PRORP: variants seen among roughly 807,000 people sequenced by gnomAD.
PRORP encodes the protein mitochondrial ribonuclease P catalytic subunit.
Under a neutral mutation model 59.4 loss-of-function variants are expected in PRORP, and 51 were observed. That is an observed-to-expected ratio of 0.86 (90% CI 0.69 to 1.08). The LOEUF is 1.08. Ranked by LOEUF, PRORP falls within the 50% of genes least tolerant of loss-of-function variation. PRORP has a pLI of 0.00. For missense variants in PRORP, 646 were observed against 690.3 expected, an observed-to-expected ratio of 0.94 and a Z score of 0.72; for synonymous variants, 231 against 245.6, an observed-to-expected ratio of 0.94 and a Z score of 0.55.
chr14:35,143,718 G>C lies in PRORP; in HGVS notation c.1167+16107G>C, dbSNP rs563378880. On this transcript the variant is annotated intron_variant, in intron 4 of 7. Transcript: ENST00000534898. ...GCTGGAGTGCAATGGCGCGATCTCG[G>C]CTCACCGCAACCTCCGCCTCCGAGG... is the stretch of plus-strand genomic sequence containing the variant. 6.2e-5 allele frequency among the ~76,000 whole-genome samples: 9 copies of C among 145,088 alleles called. 1 individual carries two copies. The highest frequency in any genetic ancestry group is 2.1e-4 in the Admixed American group (3 of 13,954).
chr14:35,139,977 T>G lies in PRORP; in HGVS notation c.1167+12366T>G, dbSNP rs190585096. 2.4e-4 allele frequency among the ~76,000 whole-genome samples: 35 copies of G among 145,858 alleles called. 9 individuals are homozygous for G. In the Admixed American group the frequency reaches 2.5e-3, roughly 10 times the overall value. ...CGTCTGTCTTCATGTGGCCTTTGTGTGTGTGTATCTCTGTGTGCCATCTCT... is the reference window on the plus strand; with the variant it reads ...CGTCTGTCTTCATGTGGCCTTTGTGGGTGTGTATCTCTGTGTGCCATCTCT... On this transcript the variant is annotated intron_variant, in intron 4 of 7. Coordinates refer to ENST00000534898, the MANE Select transcript of PRORP (RefSeq NM_014672.4).
chr14:35,209,675 T>A (rs2049387786), intron 5 of PRORP, among the ~76,000 whole-genome samples: 1 of 152,146 alleles, frequency 6.6e-6, no homozygotes, highest in South Asian at 2.1e-4. Flanking sequence ...TAGCTGGGAT[T>A]ACAGGCCATG....
At chr14:35,269,223 A>T (rs2051125142) in intron 6 of PRORP, among the ~76,000 whole-genome samples, 1 of 152,230 alleles carries the variant, frequency 6.6e-6, no homozygotes, top group South Asian at 2.1e-4. Flanking sequence ...TAAATAACTC[A>T]TGTAAAACTC....
Position 35,212,653 on chromosome 14 carries a change from A to G in PRORP, c.1275+31876A>G, listed in dbSNP as rs190549553. On this transcript the variant is annotated intron_variant, in intron 5 of 7. Transcript: ENST00000534898. The stretch of plus-strand genomic sequence containing the variant: ...AAATCATGCTGGAAACAGATGTGCC[A>G]TCATCCAGGCTTTGTTGTTCCGTTG... 2.8e-4 allele frequency among the ~76,000 whole-genome samples: 43 copies of G among 152,344 alleles called. No individual in the cohort carries two copies. In the East Asian group the frequency reaches 6.4e-3, roughly 23 times the overall value.
At chr14:35,194,519 ACCAGGGC>A in intron 5 of PRORP, among the ~76,000 whole-genome samples, 1 of 152,156 alleles carries the variant, frequency 6.6e-6, no homozygotes, top group African/African-American at 2.4e-5. Flanking sequence ...AGCATCACAC[ACCAGGGC>A]CTGTCGGGGG....
intron 4 of PRORP, among the ~76,000 whole-genome samples, chr14:35,175,248 G>T (rs1374672500): frequency 6.6e-6 from 1 of 152,048 alleles, no homozygotes; most frequent in Middle Eastern, 3.2e-3. Context: ...AATCCTTTGG[G>T]TATATAACCA....
At chr14:35,132,999 G>T (rs930230039) in intron 4 of PRORP, among the ~76,000 whole-genome samples, 180 of 152,180 alleles carry the variant, frequency 1.2e-3, no homozygotes, top group African/African-American at 4.2e-3. Context: ...TTGGCTCACT[G>T]CAACCTCTGC....
intron 5 of PRORP, among the ~76,000 whole-genome samples, chr14:35,227,806 AT>A (rs569966319): frequency 2.0e-5 from 3 of 151,274 alleles, no homozygotes; most frequent in African/African-American, 2.4e-5. Flanking sequence ...GTAACAAGTA[AT>A]TTTTTTTTGC....
intron 4 of PRORP, among the ~76,000 whole-genome samples, chr14:35,166,150 CTTCTT>C (rs1450404630): frequency 6.6e-6 from 1 of 151,980 alleles, no homozygotes; most frequent in African/African-American, 2.4e-5. Context: ...CATTCTTTTT[CTTCTT>C]TTCTTCTGCA....
At chr14:35,254,382 C>CTTGTTTGTTTGT (rs145337885) in intron 5 of PRORP, among the ~76,000 whole-genome samples, 1 of 151,714 alleles carries the variant, frequency 6.6e-6, no homozygotes, top group Non-Finnish European at 1.5e-5. Flanking sequence ...GGTTTGTTTG[C>CTTGTTTGTTTGT]TTGTTTGTTT....
intron 5 of PRORP, among the ~76,000 whole-genome samples, chr14:35,214,553 C>G (rs537467379): frequency 6.6e-6 from 1 of 152,262 alleles, no homozygotes; most frequent in Admixed American, 6.5e-5. Flanking sequence ...CAAGAATGGA[C>G]ATGTTTTTCT....
At chr14:35,189,903 G>T (rs1333670227) in intron 5 of PRORP, among the ~76,000 whole-genome samples, 4 of 151,924 alleles carry the variant, frequency 2.6e-5, no homozygotes, top group Non-Finnish European at 5.9e-5. Context: ...GAGGTGAGAA[G>T]TTCAAGACCA....
At chr14:35,241,921 T>C (rs943862407) in intron 5 of PRORP, among the ~76,000 whole-genome samples, 1 of 152,170 alleles carries the variant, frequency 6.6e-6, no homozygotes, top group African/African-American at 2.4e-5. Flanking sequence ...GCTTCTCTTT[T>C]CTCCTACCCT....
intron 5 of PRORP, among the ~76,000 whole-genome samples, chr14:35,185,468 T>C (rs931410770): frequency 6.6e-6 from 1 of 152,208 alleles, no homozygotes; most frequent in Non-Finnish European, 1.5e-5. Flanking sequence ...TGGAAGTTGC[T>C]TTTCTAAGAC....
In PRORP at chr14:35,144,556, G is replaced by A. The variant is rs1324773269; in HGVS notation, c.1167+16945G>A. 3.4e-5 allele frequency: 5 copies of A among 145,870 alleles called. 1 individual carries two copies. The highest frequency in any genetic ancestry group is 9.7e-5 in the African/African-American group (4 of 41,068). 9.0% of individuals were successfully genotyped at this position (145,870 alleles called of 1,614,324 possible). A position where few individuals can be genotyped will look rare whatever the true frequency, so the allele number is the denominator to read the frequency against. On this transcript the variant is annotated intron_variant, in intron 4 of 7. Transcript: ENST00000534898. ...TCAGTCTGTTGTGGTATGGTATGGC[G>A]TTTTGGTAGAAGCATATGAAGAAAA...
chr14:35,179,397 T>C (rs1185615306), intron 4 of PRORP, among the ~76,000 whole-genome samples: 1 of 152,206 alleles, frequency 6.6e-6, no homozygotes, highest in Non-Finnish European at 1.5e-5. Context: ...GATTTGGTCT[T>C]TTCATATAGT....
chr14:35,236,603 TTTC>T (rs1460177212), intron 5 of PRORP, among the ~76,000 whole-genome samples: 1 of 152,252 alleles, frequency 6.6e-6, no homozygotes, highest in Non-Finnish European at 1.5e-5. Context: ...TATAGATTCC[TTTC>T]TTCTTGAAAT....
chr14:35,239,245 C>A (rs1359637764), intron 5 of PRORP, among the ~76,000 whole-genome samples: 1 of 151,492 alleles, frequency 6.6e-6, no homozygotes, highest in African/African-American at 2.4e-5. Flanking sequence ...GTAATCCCAG[C>A]GACTTGGGAG....
At chr14:35,262,864 T>C (rs7155760) in intron 5 of PRORP, 217,332 of 1,520,788 alleles carry the variant, frequency 0.14, 16,826 homozygotes, top group Middle Eastern at 0.21. Flanking sequence ...GCTTGTTCAG[T>C]ATCTCAAGCC....
Sources: gnomAD v4.1 joint callset for allele counts (sites outside exome capture counted in the v4.1 genomes callset) on GRCh38, gnomAD v4.1.1 for gene constraint, MANE v1.5 for transcripts, NCBI Gene and HGNC (gene_info 2026-07-23, HGNC 2026-07-21) for gene names.